The following ARHGAP18 variants were observed in gnomAD, a reference collection of about 807,000 sequenced individuals.
The protein encoded by ARHGAP18 is rho GTPase-activating protein 18.
Under a neutral mutation model 86.2 loss-of-function variants are expected in ARHGAP18, and 67 were observed. The observed-to-expected ratio is 0.78, with a 90% CI of 0.64 to 0.95. The LOEUF is 0.95. ARHGAP18 is among the 40% of genes least tolerant of loss of function. The probability of loss-of-function intolerance (pLI) is 0.00; values close to 1 mark genes in which losing one functional copy is unlikely to be tolerated. For synonymous variants in ARHGAP18, 283 were observed against 280.4 expected (o/e 1.01, Z -0.09); for missense variants, 691 against 780.4 (o/e 0.89, Z 1.37).
intron 12 of ARHGAP18, among the ~76,000 whole-genome samples, chr6:129,592,901 A>T (rs1479461487): frequency 1.4e-4 from 22 of 152,194 alleles, no homozygotes; most frequent in Non-Finnish European, 1.8e-4. Context: ...ACAGGATGCA[A>T]CAAGATCAGA....
Position 129,599,254 on chromosome 6 carries a change from G to C in ARHGAP18, c.1675C>G (p.Arg559Gly), listed in dbSNP as rs565399225. The change falls in exon 12 of 15, where the codon CGA becomes GGA. Residue 559 changes from arginine (R) to glycine (G), a missense_variant. Physicochemically the swap from Arg to Gly is moderately radical, Grantham distance 125. Transcript: ENST00000368149. Reference protein sequence around the residue: ...KKLLKKMAYDREKYEKQDKST... With the variant: ...KKLLKKMAYDGEKYEKQDKST... ...TTATCTTGCTTTTCATATTTTTCTC[G>C]GTCATAAGCCATTTTCTTCAGCAAT... The C allele has an allele frequency of 1.3e-6, 2 of 1,577,910 alleles. No individual in the cohort carries two copies. Among genetic ancestry groups the C allele is most frequent in the Non-Finnish European group, 1.7e-6 (2 of 1,166,528 alleles).
intron 1 of ARHGAP18, among the ~76,000 whole-genome samples, chr6:129,673,481 G>C (rs1257985338): frequency 1.3e-5 from 2 of 152,122 alleles, no homozygotes. Context: ...AGGAAGGATA[G>C]AGTAAAGGAA....
chr6:129,612,212 C>A lies in ARHGAP18; in HGVS notation c.1045-602G>T, dbSNP rs1330822578. Among the ~76,000 whole-genome samples the A allele has an allele frequency of 2.6e-5, 4 of 152,118 alleles. 1 individual carries two copies. The highest frequency in any genetic ancestry group is 3.9e-4 in the East Asian group (2 of 5,180). On this transcript the variant is annotated intron_variant, in intron 7 of 14. Coordinates refer to ENST00000368149, the MANE Select transcript of ARHGAP18 (RefSeq NM_033515.3). ...TTTTGTTTTTTAAAAAGGCAGAAAC[C>A]CGCAAAAAGAAGGCAAATGGAGAAA...
intron 1 of ARHGAP18, among the ~76,000 whole-genome samples, chr6:129,702,578 A>C (rs532650474): frequency 6.6e-6 from 1 of 152,316 alleles, no homozygotes; most frequent in Admixed American, 6.5e-5. Context: ...TAGCAACCCC[A>C]AACCTACAGA....
chr6:129,585,451 A>G (rs1481670915), intron 12 of ARHGAP18, among the ~76,000 whole-genome samples: 2 of 152,226 alleles, frequency 1.3e-5, no homozygotes, highest in Non-Finnish European at 2.9e-5. Flanking sequence ...CTTCTCAGTA[A>G]TATCAGAGAT....
chr6:129,600,857 G>A lies in ARHGAP18; in HGVS notation c.1366-9C>T, dbSNP rs1203683016. 1 of 1,599,356 alleles carries A rather than the reference G, an allele frequency of 6.3e-7. No homozygotes were observed. The highest frequency in any genetic ancestry group is 8.6e-7 in the Non-Finnish European group (1 of 1,169,436). ...AGAAATTCAAGAAGGGCCTGAAACA[G>A]AAATGACTCTTTGAGATTTGTGTCA... On this transcript the variant is annotated splice_polypyrimidine_tract_variant and intron_variant, in intron 10 of 14. Transcript: ENST00000368149.
intron 1 of ARHGAP18, among the ~76,000 whole-genome samples, chr6:129,673,296 T>G (rs1360078597): frequency 2.0e-5 from 3 of 152,000 alleles, no homozygotes; most frequent in African/African-American, 7.3e-5. Flanking sequence ...TTCTCATTTT[T>G]TTTTCCCCAA....
rs146184035 is a variant in ARHGAP18 at position 129,692,889 on chromosome 6, T to C, written c.113+17135A>G. Among the ~76,000 whole-genome samples, 179 of 152,316 alleles carry C rather than the reference T, an allele frequency of 1.2e-3. 1 individual carries two copies. Among genetic ancestry groups the C allele is most frequent in the African/African-American group, 3.6e-3 (151 of 41,578 alleles). On this transcript the variant is annotated intron_variant, in intron 1 of 14. Transcript: ENST00000368149. Reference sequence around the variant, plus strand: ...GAAAATCCACATGCTATGAAAAAGATCCATGACTAAAAGATTATTACAAGT... The same window carrying C: ...GAAAATCCACATGCTATGAAAAAGACCCATGACTAAAAGATTATTACAAGT...
intron 1 of ARHGAP18, 21 bp from the exon 2 acceptor site, chr6:129,642,039 A>C (rs777050092): frequency 6.2e-7 from 1 of 1,608,762 alleles, no homozygotes; most frequent in Non-Finnish European, 8.5e-7. Context: ...AAAAGAACCC[A>C]TGGTTTATTT....
chr6:129,700,632 A>G (rs1309726021), intron 1 of ARHGAP18, among the ~76,000 whole-genome samples: 3 of 152,376 alleles, frequency 2.0e-5, no homozygotes, highest in South Asian at 4.1e-4. Context: ...ATTCACCAAC[A>G]GGTAACAGTC....
chr6:129,595,097 T>A (rs1449179447), intron 12 of ARHGAP18, among the ~76,000 whole-genome samples: 1 of 151,580 alleles, frequency 6.6e-6, no homozygotes, highest in Non-Finnish European at 1.5e-5. Context: ...CTGAAAAAAA[T>A]TAGACAATAA....
intron 1 of ARHGAP18, among the ~76,000 whole-genome samples, chr6:129,692,013 C>A (rs1774538489): frequency 6.6e-6 from 1 of 152,214 alleles, no homozygotes; most frequent in Admixed American, 6.5e-5. Flanking sequence ...ACTGACACAG[C>A]CAGCACCTCT....
At chr6:129,676,915 CTTTTTTTTTTTTTTTTTTTTTT>C (rs10688716) in intron 1 of ARHGAP18, among the ~76,000 whole-genome samples, 1 of 37,960 alleles carries the variant, frequency 2.6e-5, no homozygotes, top group Non-Finnish European at 5.9e-5. Flanking sequence ...TTTTTGTCCT[CTTTTTTTTTTTTTTTTTTTTTT>C]TTTTTTTTTT....
At chr6:129,648,610 TA>T (rs35138402) in intron 1 of ARHGAP18, among the ~76,000 whole-genome samples, 28,053 of 148,394 alleles carry the variant, frequency 0.19, 2,876 homozygotes, top group Non-Finnish European at 0.23. Flanking sequence ...CATCTCTATT[TA>T]AAAAAAAAAA....
At chr6:129,647,812 C>A (rs560081249) in intron 1 of ARHGAP18, among the ~76,000 whole-genome samples, 27 of 152,208 alleles carry the variant, frequency 1.8e-4, no homozygotes, top group Non-Finnish European at 3.1e-4. Context: ...GAGATTTAAA[C>A]CTATCCCATT....
chr6:129,667,184 TA>T (rs1774056046), intron 1 of ARHGAP18, among the ~76,000 whole-genome samples: 1 of 151,944 alleles, frequency 6.6e-6, no homozygotes, highest in African/African-American at 2.4e-5. Context: ...CCAATTTTAC[TA>T]AGAAAAAAAT....
chr6:129,581,729 A>T (rs1308782397), intron 13 of ARHGAP18, among the ~76,000 whole-genome samples: 1 of 152,164 alleles, frequency 6.6e-6, no homozygotes, highest in Non-Finnish European at 1.5e-5. Flanking sequence ...TCATATGTCC[A>T]TTGGCTTCAG....
At chr6:129,639,129 T>A (rs1005366279) in intron 2 of ARHGAP18, among the ~76,000 whole-genome samples, 1 of 152,206 alleles carries the variant, frequency 6.6e-6, no homozygotes, top group Non-Finnish European at 1.5e-5. Flanking sequence ...TGGGAACTAA[T>A]CAATTTCAAA....
intron 7 of ARHGAP18, among the ~76,000 whole-genome samples, chr6:129,615,191 CAGA>C (rs1404537866): frequency 1.3e-5 from 2 of 152,200 alleles, no homozygotes; most frequent in African/African-American, 4.8e-5. Context: ...CTGCTACTGA[CAGA>C]AGAATTTGAA....
Sources: allele counts gnomAD v4.1 joint callset (sites outside exome capture counted in the v4.1 genomes callset), GRCh38; gene constraint gnomAD v4.1.1; transcripts MANE v1.5; gene names NCBI Gene and HGNC (gene_info 2026-07-23, HGNC 2026-07-21).